The following LRRCC1 variants were observed in gnomAD, a reference collection of about 807,000 sequenced individuals.
LRRCC1 encodes leucine rich repeat and coiled-coil centrosomal protein 1.
In LRRCC1, 115 loss-of-function variants were observed where a neutral mutation model predicts 126.0. The observed-to-expected ratio is 0.91, with a 90% CI of 0.78 to 1.07. The LOEUF is 1.07. Among genes scored for constraint, LRRCC1 ranks in the 50% least tolerant of loss-of-function variants. The pLI, the probability that LRRCC1 is intolerant of heterozygous loss-of-function variation, is 0.00. For missense variants in LRRCC1, 1,172 were observed against 1,175.7 expected, an observed-to-expected ratio of 1.00 and a Z score of 0.05; for synonymous variants, 400 against 393.4, an observed-to-expected ratio of 1.02 and a Z score of -0.20.
At chr8:85,128,196 A>G (rs972901390) in intron 9 of LRRCC1, among the ~76,000 whole-genome samples, 2 of 152,058 alleles carry the variant, frequency 1.3e-5, no homozygotes, top group Admixed American at 6.6e-5. Context: ...TTTCAGTTAT[A>G]TGTGTATGAA....
chr8:85,140,461 C>T (rs1479873253), intron 17 of LRRCC1, among the ~76,000 whole-genome samples: 5 of 152,080 alleles, frequency 3.3e-5, no homozygotes, highest in Non-Finnish European at 5.9e-5. Flanking sequence ...ATGCATGTTC[C>T]TTATGTTTAA....
At chr8:85,118,167 A>C (rs1297006983) in intron 6 of LRRCC1, among the ~76,000 whole-genome samples, 2 of 152,062 alleles carry the variant, frequency 1.3e-5, no homozygotes, top group Non-Finnish European at 2.9e-5. Context: ...TTCACTGAGC[A>C]TAACCTTGTA....
In LRRCC1 at chr8:85,126,787, T is replaced by C. The variant is rs907766705; in HGVS notation, c.1371T>C (p.His457=). Residue 457 remains histidine (H), a synonymous_variant, in exon 9 of 19, where the codon CAT becomes CAC. Transcript: ENST00000360375. ...LMDYIDELHK[H]ANEKEDIHSL... Reference sequence around the variant, plus strand: ...ATTATATTGATGAGCTGCATAAACATGCAAATGAAAAAGAGGATATTCATA... The same window carrying C: ...ATTATATTGATGAGCTGCATAAACACGCAAATGAAAAAGAGGATATTCATA... 6.8e-6 allele frequency: 11 copies of C among 1,612,334 alleles called. No individual in the cohort carries two copies. The highest frequency in any genetic ancestry group is 1.7e-5 in the Admixed American group (1 of 59,832).
chr8:85,145,718 A>G lies in LRRCC1; in HGVS notation c.*207A>G, dbSNP rs1195972471. On this transcript the variant is annotated 3_prime_UTR_variant, in exon 19 of 19. Coordinates refer to ENST00000360375, the MANE Select transcript of LRRCC1 (RefSeq NM_033402.5). ...TTGTTGACAATTTTGTCTATTAGAA[A>G]AAACTATCATAACTAGACTTACAAT... 6.2e-6 allele frequency: 2 copies of G among 324,748 alleles called. No homozygotes were observed. The highest frequency in any genetic ancestry group is 1.1e-5 in the Non-Finnish European group (2 of 180,466). 20.1% of individuals were successfully genotyped at this position (324,748 alleles called of 1,614,324 possible).
chr8:85,144,446 A>G (rs13277038), intron 18 of LRRCC1, among the ~76,000 whole-genome samples: 2,537 of 111,928 alleles, frequency 0.023, 18 homozygotes, highest in Non-Finnish European at 0.033. Flanking sequence ...GTGTGTGTGT[A>G]TATATATATA....
At chr8:85,138,310 T>G (rs1206861648) in intron 16 of LRRCC1, 28 bp from the exon 17 acceptor site, 6 of 1,587,868 alleles carry the variant, frequency 3.8e-6, no homozygotes, top group African/African-American at 1.4e-5. Flanking sequence ...TAAACCCAAT[T>G]TATTTTTCAA....
chr8:85,145,385 T>G lies in LRRCC1; in HGVS notation c.2977-4T>G. The G allele has an allele frequency of 6.6e-7, 1 of 1,517,728 alleles. No homozygotes were observed. Among genetic ancestry groups the G allele is most frequent in the Non-Finnish European group, 8.8e-7 (1 of 1,136,208 alleles). 94.0% of individuals were successfully genotyped at this position (1,517,728 alleles called of 1,614,324 possible). On this transcript the variant is annotated splice_polypyrimidine_tract_variant and splice_region_variant and intron_variant, in intron 18 of 18. Transcript: ENST00000360375. Reference sequence around the variant, plus strand: ...TAAAATGTAAAATTTACATGTCGATTTAGGTCCATCAAATTGAAAAAGAAA... The same window carrying G: ...TAAAATGTAAAATTTACATGTCGATGTAGGTCCATCAAATTGAAAAAGAAA...
rs140262174 is a variant in LRRCC1 at position 85,133,619 on chromosome 8, A to C, written c.1969-1228A>C. On this transcript the variant is annotated intron_variant, in intron 12 of 18. Coordinates refer to ENST00000360375, the MANE Select transcript of LRRCC1 (RefSeq NM_033402.5). ...ATCCTTCTAGGTGCTTAAGCCAAAA[A>C]CAAAGTCATTGTTGATTACTCTTTC... Among the ~76,000 whole-genome samples the C allele has an allele frequency of 1.7e-3, 263 of 152,302 alleles. 1 individual carries two copies. Among genetic ancestry groups the C allele is most frequent in the African/African-American group, 6.1e-3 (253 of 41,560 alleles).
At chr8:85,132,843 C>G (rs1430929619) in intron 12 of LRRCC1, among the ~76,000 whole-genome samples, 1 of 152,198 alleles carries the variant, frequency 6.6e-6, no homozygotes, top group East Asian at 1.9e-4. Flanking sequence ...TATAGTAGAT[C>G]CCATTTCCTC....
chr8:85,125,665 T>A (rs1158358049), intron 8 of LRRCC1, among the ~76,000 whole-genome samples: 1 of 12,696 alleles, frequency 7.9e-5, no homozygotes. Context: ...AGAGCGAGAC[T>A]CCGTCAAAAA....
In LRRCC1 at chr8:85,107,279, T is replaced by G; in HGVS notation, c.-17T>G. The G allele has an allele frequency of 6.2e-7, 1 of 1,603,010 alleles. No homozygotes were observed. Among genetic ancestry groups the G allele is most frequent in the Non-Finnish European group, 8.5e-7 (1 of 1,174,472 alleles). ...CGCTGGGTGCCGGTTAAGACCCCGC[T>G]CCCCGTCGCCAGTGCTATGGAGGCG... On this transcript the variant is annotated 5_prime_UTR_variant, in exon 1 of 19. Transcript: ENST00000360375.
chr8:85,142,423 T>C (rs1811318534), intron 18 of LRRCC1, among the ~76,000 whole-genome samples: 1 of 152,206 alleles, frequency 6.6e-6, no homozygotes, highest in South Asian at 2.1e-4. Context: ...AATATGAATT[T>C]CCATTTTTTC....
chr8:85,128,624 A>T (rs1354891812), intron 9 of LRRCC1, among the ~76,000 whole-genome samples: 1 of 152,056 alleles, frequency 6.6e-6, no homozygotes. Context: ...TGATGACCAG[A>T]TCTGTTCATC....
Position 85,126,796 on chromosome 8 carries a change from A to C in LRRCC1, c.1380A>C (p.Glu460Asp). 6.2e-7 allele frequency: 1 copy of C among 1,612,820 alleles called. No individual in the cohort carries two copies. The highest frequency in any genetic ancestry group is 8.5e-7 in the Non-Finnish European group (1 of 1,179,866). ...ATGAGCTGCATAAACATGCAAATGA[A>C]AAAGAGGATATTCATAGTCTGGCTC... The part of the protein sequence containing the change: ...YIDELHKHAN[E>D]KEDIHSLALL... Residue 460 changes from glutamate to aspartate, a missense_variant, in exon 9 of 19, where the codon GAA becomes GAC. By Grantham distance (45) the Glu-to-Asp change is conservative (BLOSUM62 2). Transcript: ENST00000360375.
At chr8:85,110,312 C>T (rs1006755799) in intron 3 of LRRCC1, 132 bp downstream of exon 3, 24 of 409,230 alleles carry the variant, frequency 5.9e-5, no homozygotes, top group South Asian at 2.9e-4. Flanking sequence ...ATCTAGAGAG[C>T]GTATTCCAGT....
chr8:85,129,985 A>G lies in LRRCC1; in HGVS notation c.1693A>G (p.Thr565Ala), dbSNP rs888553681. Reference sequence around the variant, plus strand: ...CGATAGAGAAATATACTTACTTAGAACTTCCCTTCATCGAGAAAGAGAACA... The same window carrying G: ...CGATAGAGAAATATACTTACTTAGAGCTTCCCTTCATCGAGAAAGAGAACA... ...AADREIYLLR[T>A]SLHREREQAQ... The change falls in exon 11 of 19, where the codon ACT (threonine) becomes GCT (alanine). Residue 565 changes from threonine to alanine, a missense_variant. Transcript: ENST00000360375. 1.2e-6 allele frequency: 2 copies of G among 1,604,100 alleles called. No homozygotes were observed. Among genetic ancestry groups the G allele is most frequent in the Non-Finnish European group, 1.7e-6 (2 of 1,176,348 alleles).
chr8:85,122,694 GT>G (rs1290505869), intron 6 of LRRCC1, among the ~76,000 whole-genome samples: 1 of 152,066 alleles, frequency 6.6e-6, no homozygotes, highest in Non-Finnish European at 1.5e-5. Context: ...TTATTCAAAC[GT>G]TTGAGTCATC....
At chr8:85,126,925 C>G in intron 9 of LRRCC1, 88 bp downstream of exon 9, 2 of 1,081,274 alleles carry the variant, frequency 1.8e-6, no homozygotes, top group Non-Finnish European at 2.6e-6. Flanking sequence ...CAGTGTGGTT[C>G]AATCAACAAC....
At position 85,126,718 on chromosome 8, in the gene LRRCC1, A is replaced by G. The variant is rs1331494080; in HGVS notation, c.1302A>G (p.Arg434=). 4 of 1,612,816 alleles carry G rather than the reference A, an allele frequency of 2.5e-6. No individual in the cohort carries two copies. The highest frequency in any genetic ancestry group is 3.4e-6 in the Non-Finnish European group (4 of 1,179,908). The change falls in exon 9 of 19, where the codon AGA becomes AGG. Residue 434 remains arginine, a synonymous_variant. Transcript: ENST00000360375. ...QSLVEQLDQE[R]EKRWRAEQAE... is the part of the protein sequence containing the mutation. ...TTGTTGAACAGCTAGACCAAGAGAG[A>G]GAGAAGAGATGGAGAGCTGAGCAAG...
Sources: gnomAD v4.1 joint callset for allele counts (sites outside exome capture counted in the v4.1 genomes callset) on GRCh38, gnomAD v4.1.1 for gene constraint, MANE v1.5 for transcripts, NCBI Gene and HGNC (gene_info 2026-07-23, HGNC 2026-07-21) for gene names.